The following DSCAML1 variants were observed in gnomAD, a reference collection of about 807,000 sequenced individuals.
DSCAML1 encodes DS cell adhesion molecule like 1, also known as cell adhesion molecule DSCAML1.
Under a neutral mutation model 200.5 loss-of-function variants are expected in DSCAML1, and 38 were observed. That is an observed-to-expected ratio of 0.19 (90% CI 0.15 to 0.25). The LOEUF (loss-of-function observed/expected upper bound fraction) is 0.25, where lower values mean the gene tolerates loss of function less well. Among genes scored for constraint, DSCAML1 ranks in the 10% least tolerant of loss-of-function variants. DSCAML1 has a pLI of 1.00. For synonymous variants in DSCAML1, 1,215 were observed against 1,165.0 expected (o/e 1.04, Z -0.87); for missense variants, 2,223 against 2,858.8 (o/e 0.78, Z 5.07).
intron 3 of DSCAML1, among the ~76,000 whole-genome samples, chr11:117,567,916 A>G (rs1181559976): frequency 6.6e-6 from 1 of 152,046 alleles, no homozygotes; most frequent in Non-Finnish European, 1.5e-5. Flanking sequence ...CAGAGACACA[A>G]CCAAAAAAGA....
intron 18 of DSCAML1, among the ~76,000 whole-genome samples, chr11:117,460,107 T>G (rs1022900698): frequency 3.3e-4 from 50 of 152,242 alleles, no homozygotes; most frequent in Non-Finnish European, 5.9e-5. Context: ...CCTTAGGGGC[T>G]AAGCTGGAGA....
In DSCAML1 at chr11:117,469,016, A is replaced by T. The variant is rs1157429254; in HGVS notation, c.3024+894T>A. On this transcript the variant is annotated intron_variant, in intron 16 of 32. Coordinates refer to ENST00000651296, the MANE Select transcript of DSCAML1 (RefSeq NM_020693.4). The surrounding 1 kb of genome is among the most constrained non-coding windows in gnomAD (Gnocchi z 4.1). ...AGGAAGAACACAGAAGGCCCTGAGA[A>T]TGCTCTCTGATCCAGAGCCCTGTGC... Among the ~76,000 whole-genome samples, 1 of 152,166 alleles carries T rather than the reference A, an allele frequency of 6.6e-6. No homozygotes were observed. The highest frequency in any genetic ancestry group is 1.5e-5 in the Non-Finnish European group (1 of 68,016).
intron 3 of DSCAML1, among the ~76,000 whole-genome samples, chr11:117,647,880 C>G (rs760491921): frequency 1.3e-5 from 2 of 152,192 alleles, no homozygotes; most frequent in African/African-American, 4.8e-5. Context: ...CCTTTGTGCC[C>G]CACCAACCCC....
At position 117,518,180 on chromosome 11, in the gene DSCAML1, G is replaced by A. The variant is rs2049812976; in HGVS notation, c.1510+286C>T. Reference sequence around the variant, plus strand: ...ATTTGATGGGGAGGAATGGGCTAGAGGGTAAGAGAAGGGGCTGGGCTGGCT... The same window carrying A: ...ATTTGATGGGGAGGAATGGGCTAGAAGGTAAGAGAAGGGGCTGGGCTGGCT... On this transcript the variant is annotated intron_variant, in intron 7 of 32. Transcript: ENST00000651296. The surrounding 1 kb of genome is among the most constrained non-coding windows in gnomAD (Gnocchi z 6.3). Among the ~76,000 whole-genome samples the A allele has an allele frequency of 6.6e-6, 1 of 152,140 alleles. No homozygotes were observed. The highest frequency in any genetic ancestry group is 1.5e-5 in the Non-Finnish European group (1 of 68,034).
intron 3 of DSCAML1, among the ~76,000 whole-genome samples, chr11:117,665,579 C>A (rs1383180891): frequency 6.6e-6 from 1 of 152,202 alleles, no homozygotes; most frequent in Non-Finnish European, 1.5e-5. Flanking sequence ...GCTTAAGCTG[C>A]AATGGCTTCC....
chr11:117,802,715 G>C (rs1193440872), intron 1 of DSCAML1, among the ~76,000 whole-genome samples: 1 of 152,128 alleles, frequency 6.6e-6, no homozygotes, highest in Non-Finnish European at 1.5e-5. Context: ...GCATCACTGT[G>C]GTCTTCACAG....
rs568111628 is a variant in DSCAML1 at position 117,764,566 on chromosome 11, G to C, written c.511+12225C>G. On this transcript the variant is annotated intron_variant, in intron 3 of 32. Coordinates refer to ENST00000651296, the MANE Select transcript of DSCAML1 (RefSeq NM_020693.4). Reference sequence around the variant, plus strand: ...ATAATGAACTAAAAATCCAATCAACGGATTGTTGCTTATGCCAACCTAGGC... The same window carrying C: ...ATAATGAACTAAAAATCCAATCAACCGATTGTTGCTTATGCCAACCTAGGC... Among the ~76,000 whole-genome samples the C allele has an allele frequency of 4.6e-4, 70 of 152,282 alleles. 3 individuals carry two copies. In the South Asian group the frequency reaches 0.014, roughly 30 times the overall value.
At chr11:117,702,160 C>T (rs1457860314) in intron 3 of DSCAML1, among the ~76,000 whole-genome samples, 1 of 152,176 alleles carries the variant, frequency 6.6e-6, no homozygotes, top group Admixed American at 6.5e-5. Flanking sequence ...CTCTCAAATG[C>T]AAATAGGATC....
intron 3 of DSCAML1, among the ~76,000 whole-genome samples, chr11:117,758,412 T>C (rs1383948968): frequency 6.6e-6 from 1 of 151,770 alleles, no homozygotes; most frequent in Non-Finnish European, 1.5e-5. Context: ...TGTTTTGTTT[T>C]GTTTTTTGAG....
intron 3 of DSCAML1, among the ~76,000 whole-genome samples, chr11:117,701,890 A>G (rs189255046): frequency 6.6e-6 from 1 of 152,328 alleles, no homozygotes; most frequent in East Asian, 1.9e-4. Flanking sequence ...CCCATGGCAG[A>G]TGTACGTGGG....
intron 3 of DSCAML1, among the ~76,000 whole-genome samples, chr11:117,567,855 C>A (rs2050783727): frequency 6.6e-6 from 1 of 152,078 alleles, no homozygotes; most frequent in Non-Finnish European, 1.5e-5. Context: ...AAGAGGGAAT[C>A]CTCCCTAACT....
chr11:117,605,325 C>T (rs766521697), intron 3 of DSCAML1, among the ~76,000 whole-genome samples: 5 of 152,142 alleles, frequency 3.3e-5, no homozygotes, highest in African/African-American at 4.8e-5. Context: ...TGACCATGCC[C>T]GCACCTCCTG....
intron 15 of DSCAML1, among the ~76,000 whole-genome samples, chr11:117,471,595 T>C (rs534127070): frequency 5.3e-5 from 8 of 152,208 alleles, no homozygotes; most frequent in African/African-American, 1.9e-4. Flanking sequence ...TAGTACCCTA[T>C]CTTGCAGATA....
At chr11:117,754,542 A>C (rs1283120819) in intron 3 of DSCAML1, among the ~76,000 whole-genome samples, 1 of 152,132 alleles carries the variant, frequency 6.6e-6, no homozygotes, top group East Asian at 1.9e-4. Context: ...CATAGAGAGA[A>C]GGTGAGGGAA....
chr11:117,785,996 G>C (rs1414646291), intron 1 of DSCAML1, among the ~76,000 whole-genome samples: 1 of 152,174 alleles, frequency 6.6e-6, no homozygotes, highest in Non-Finnish European at 1.5e-5. Flanking sequence ...CTCTGAAGAA[G>C]TTTCCCCTCA....
In DSCAML1 at chr11:117,477,085, G is replaced by C. The variant is rs534076890; in HGVS notation, c.2785+3358C>G. Among the ~76,000 whole-genome samples the C allele has an allele frequency of 3.3e-5, 5 of 152,142 alleles. No individual in the cohort carries two copies. In the Middle Eastern group the frequency reaches 0.014, roughly 414 times the overall value. On this transcript the variant is annotated intron_variant, in intron 14 of 32. Transcript: ENST00000651296. Reference sequence around the variant, plus strand: ...TTTTATACATAAGGAGATGCCCAAAGATGTTAAGTACTCGCTAAAGATCAT... The same window carrying C: ...TTTTATACATAAGGAGATGCCCAAACATGTTAAGTACTCGCTAAAGATCAT...
chr11:117,433,316 C>T, intron 28 of DSCAML1, 60 bp from the exon 29 acceptor site: 2 of 1,560,644 alleles, frequency 1.3e-6, no homozygotes, highest in South Asian at 1.2e-5. Context: ...GGGAAGGGGG[C>T]TCTGCAGGAC....
At chr11:117,459,775 C>T (rs931035223) in intron 18 of DSCAML1, among the ~76,000 whole-genome samples, 4 of 152,242 alleles carry the variant, frequency 2.6e-5, no homozygotes, top group Non-Finnish European at 2.9e-5. Flanking sequence ...GGCTGAGGAC[C>T]AGCCTCGTAG....
rs1565746767 is a variant in DSCAML1, at chr11:117,504,775, G to A, written c.2182+149C>T. The A allele has an allele frequency of 8.8e-6, 10 of 1,137,408 alleles. No homozygotes were observed. Among genetic ancestry groups the A allele is most frequent in the East Asian group, 2.8e-5 (1 of 35,250 alleles). 70.5% of individuals were successfully genotyped at this position (1,137,408 alleles called of 1,614,324 possible). Reference sequence around the variant, plus strand: ...GTGGCTGAGGATGACTCCAGGTGAGGTGTAGCCTGGGGTCCACTGGGGTGC... The same window carrying A: ...GTGGCTGAGGATGACTCCAGGTGAGATGTAGCCTGGGGTCCACTGGGGTGC... On this transcript the variant is annotated intron_variant, in intron 10 of 32. Transcript: ENST00000651296. This position sits in a 1 kb window ranked among gnomAD's most constrained non-coding sequence, Gnocchi z 5.0.
Sources: allele counts gnomAD v4.1 joint callset (sites outside exome capture counted in the v4.1 genomes callset), GRCh38; gene constraint gnomAD v4.1.1; non-coding constraint Gnocchi (gnomAD v3.1); transcripts MANE v1.5; gene names NCBI Gene and HGNC (gene_info 2026-07-23, HGNC 2026-07-21).